FKTN: variants seen among roughly 807,000 people sequenced by gnomAD.
FKTN encodes fukutin.
Under a neutral mutation model 58.6 loss-of-function variants are expected in FKTN, and 47 were observed. The ratio of observed to expected loss-of-function variants is 0.80; its 90% confidence interval spans 0.63 to 1.02. FKTN has a LOEUF of 1.02. Among genes scored for constraint, FKTN ranks in the 50% least tolerant of loss-of-function variants. FKTN has a pLI of 0.00. For synonymous variants in FKTN, 178 were observed against 191.9 expected (o/e 0.93, Z 0.60); for missense variants, 516 against 537.3 (o/e 0.96, Z 0.39).
chr9:105,635,811 TTATGTGG>T lies in FKTN; in HGVS notation c.*548_*554del, dbSNP rs1450007349. ...TATCAGGTTCATTTTTCAACTAATC[TTATGTGG>T]AATTGAATTAGAGAACAAGGCATTA... is the stretch of plus-strand genomic sequence containing the variant. On this transcript the variant is annotated 3_prime_UTR_variant, in exon 11 of 11. Coordinates refer to ENST00000357998, the MANE Select transcript of FKTN (RefSeq NM_001079802.2). The T allele has an allele frequency of 2.3e-4, 226 of 1,000,802 alleles. No homozygotes were observed. In the African/African-American group the frequency reaches 3.7e-3, roughly 16 times the overall value. The allele number at this position is 1,000,802 out of a possible 1,614,324, so 62.0% of individuals were successfully genotyped here. A position where few individuals can be genotyped will look rare whatever the true frequency, so the allele number is the denominator to read the frequency against.
intron 10 of FKTN, 62 bp downstream of exon 10, chr9:105,620,123 A>G (rs2133213046): frequency 6.9e-7 from 1 of 1,439,988 alleles, no homozygotes; most frequent in South Asian, 1.2e-5. Context: ...GGAGGTAGAA[A>G]TAAAGAAGTA....
In FKTN at chr9:105,640,208, T is replaced by G; in HGVS notation, c.*4944T>G. On this transcript the variant is annotated 3_prime_UTR_variant, in exon 11 of 11. Transcript: ENST00000357998. ...AGACTAATTCAATGGCAATACCTTT[T>G]GTATAGGTCCTGTGCTTAAAGGAGG... is the stretch of plus-strand genomic sequence containing the variant. 1 of 1,520,028 alleles carries G rather than the reference T, an allele frequency of 6.6e-7. No individual in the cohort carries two copies. Among genetic ancestry groups the G allele is most frequent in the Non-Finnish European group, 8.8e-7 (1 of 1,137,472 alleles). 94.2% of individuals were successfully genotyped at this position (1,520,028 alleles called of 1,614,324 possible).
At chr9:105,610,095 TTC>T (rs1231056162) in intron 7 of FKTN, among the ~76,000 whole-genome samples, 40 of 152,270 alleles carry the variant, frequency 2.6e-4, no homozygotes, top group African/African-American at 9.6e-4. Context: ...TCATAATGCT[TTC>T]TGTGTCCTTT....
intron 3 of FKTN, among the ~76,000 whole-genome samples, chr9:105,581,459 G>A (rs1032363255): frequency 2.0e-5 from 3 of 150,492 alleles, no homozygotes; most frequent in African/African-American, 5.0e-5. Context: ...GCTGCGGGGT[G>A]CCTCCCAGTT....
intron 1 of FKTN, among the ~76,000 whole-genome samples, chr9:105,569,294 A>T (rs991143907): frequency 2.0e-5 from 3 of 152,284 alleles, no homozygotes; most frequent in African/African-American, 4.8e-5. Flanking sequence ...ATAATAATAA[A>T]AAAAATAAGT....
In FKTN at chr9:105,597,461, A is replaced by C. The variant is rs528434364; in HGVS notation, c.165+804A>C. On this transcript the variant is annotated intron_variant, in intron 4 of 10. Coordinates refer to ENST00000357998, the MANE Select transcript of FKTN (RefSeq NM_001079802.2). ...CTCTAGTCTATAAGTGTCAATGTAA[A>C]CTTTTAATTTATTAAAAATAGCAAT... is the stretch of plus-strand genomic sequence containing the variant. 4.6e-5 allele frequency among the ~76,000 whole-genome samples: 7 copies of C among 152,250 alleles called. No homozygotes were observed. The East Asian group carries it at 1.4e-3, about 29-fold the overall frequency.
rs746409077 is a variant in FKTN, at chr9:105,636,747, A to C, written c.*1483A>C. ...CTGGAGCTTGGCAGATTTTCCTCTGACACCAGAGAACAATAGTAGTCTCAA... is the reference window on the plus strand; with the variant it reads ...CTGGAGCTTGGCAGATTTTCCTCTGCCACCAGAGAACAATAGTAGTCTCAA... On this transcript the variant is annotated 3_prime_UTR_variant, in exon 11 of 11. Coordinates refer to ENST00000357998, the MANE Select transcript of FKTN (RefSeq NM_001079802.2). 1 of 1,294,472 alleles carries C rather than the reference A, an allele frequency of 7.7e-7. No individual in the cohort carries two copies. Among genetic ancestry groups the C allele is most frequent in the South Asian group, 1.3e-5 (1 of 79,446 alleles). The allele number at this position is 1,294,472 out of a possible 1,614,324, so 80.2% of individuals were successfully genotyped here. A position where few individuals can be genotyped will look rare whatever the true frequency, so the allele number is the denominator to read the frequency against.
chr9:105,560,901 G>A (rs1838174295), intron 1 of FKTN, among the ~76,000 whole-genome samples: 1 of 152,048 alleles, frequency 6.6e-6, no homozygotes, highest in South Asian at 2.1e-4. Context: ...ATCCTGGCCA[G>A]CCTGATGAAA....
rs574591060 is a variant in FKTN at position 105,581,097 on chromosome 9, T to C, written c.105+5960T>C. Among the ~76,000 whole-genome samples the C allele has an allele frequency of 4.1e-4, 62 of 150,190 alleles. No individual in the cohort carries two copies. In the South Asian group the frequency reaches 0.013, roughly 31 times the overall value. On this transcript the variant is annotated intron_variant, in intron 3 of 10. Transcript: ENST00000357998. ...ATTTTTTTCAAAGTTTTTAACTTCT[T>C]TGCCTTTGGTTTGAATGTCCTCCCG... is the stretch of plus-strand genomic sequence containing the variant.
chr9:105,594,714 C>G (rs1826431634), intron 3 of FKTN, among the ~76,000 whole-genome samples: 1 of 152,152 alleles, frequency 6.6e-6, no homozygotes, highest in Non-Finnish European at 1.5e-5. Flanking sequence ...CCACTGCACT[C>G]CAGCCTGGGC....
chr9:105,615,550 A>T, intron 8 of FKTN, 143 bp downstream of exon 8: 1 of 778,384 alleles, frequency 1.3e-6, no homozygotes, highest in Non-Finnish European at 2.2e-6. Flanking sequence ...TGCAGCAAGG[A>T]TCTATTGATT....
At chr9:105,592,853 C>T (rs944312207) in intron 3 of FKTN, among the ~76,000 whole-genome samples, 1 of 152,176 alleles carries the variant, frequency 6.6e-6, no homozygotes, top group African/African-American at 2.4e-5. Context: ...CTATAAGCAT[C>T]TTGATCACAA....
chr9:105,601,657 A>G (rs947275196), intron 5 of FKTN, among the ~76,000 whole-genome samples: 3 of 152,176 alleles, frequency 2.0e-5, no homozygotes, highest in African/African-American at 4.8e-5. Context: ...TAGCTGTCGT[A>G]GCTCCACATA....
chr9:105,620,073 A>AT lies in FKTN; in HGVS notation c.1172+13dup, dbSNP rs1248168354. The AT allele has an allele frequency of 6.2e-7, 1 of 1,602,704 alleles. No homozygotes were observed. The highest frequency in any genetic ancestry group is 8.5e-7 in the Non-Finnish European group (1 of 1,170,242). Reference sequence around the variant, plus strand: ...GGAAAAAAATTCAAGTATGAATCAAATAAGTACTTATTTATAAAGGTACTA... The same window carrying AT: ...GGAAAAAAATTCAAGTATGAATCAAATTAAGTACTTATTTATAAAGGTACTA... On this transcript the variant is annotated intron_variant, in intron 10 of 10. Transcript: ENST00000357998.
At position 105,576,413 on chromosome 9, in the gene FKTN, C is replaced by T. The variant is rs533246079; in HGVS notation, c.105+1276C>T. 7.8e-3 allele frequency among the ~76,000 whole-genome samples: 1,177 copies of T among 151,744 alleles called. 18 individuals carry two copies. Among genetic ancestry groups the T allele is most frequent in the African/African-American group, 0.027 (1,096 of 41,226 alleles). Reference sequence around the variant, plus strand: ...TTTCCCACCTATGAGTGAGAATATGCGGTGTTTGGTTTTTTGTTCTTACGA... The same window carrying T: ...TTTCCCACCTATGAGTGAGAATATGTGGTGTTTGGTTTTTTGTTCTTACGA... On this transcript the variant is annotated intron_variant, in intron 3 of 10. Transcript: ENST00000357998.
chr9:105,609,641 A>C lies in FKTN; in HGVS notation c.780+1690A>C, dbSNP rs1162551880. ...ATTACTTTCATGACTAATACTTTGG[A>C]AGATTACAAGCCAGATGTTTTGTGC... On this transcript the variant is annotated intron_variant, in intron 7 of 10. Transcript: ENST00000357998. Among the ~76,000 whole-genome samples, 4 of 152,262 alleles carry C rather than the reference A, an allele frequency of 2.6e-5. No individual in the cohort carries two copies. In the East Asian group the frequency reaches 7.7e-4, roughly 29 times the overall value.
intron 4 of FKTN, among the ~76,000 whole-genome samples, chr9:105,597,847 C>T (rs1827088270): frequency 6.6e-6 from 1 of 152,070 alleles, no homozygotes; most frequent in Non-Finnish European, 1.5e-5. Context: ...TTCATCTGTA[C>T]ACTGTAAAGC....
chr9:105,620,357 T>C (rs1289990886), intron 10 of FKTN, among the ~76,000 whole-genome samples: 6 of 152,204 alleles, frequency 3.9e-5, no homozygotes, highest in Non-Finnish European at 4.4e-5. Flanking sequence ...GCATGGGTTT[T>C]AGAGTCAGGC....
rs1175827862 is a variant in FKTN at position 105,640,631 on chromosome 9, C to G, written c.*5367C>G. The stretch of plus-strand genomic sequence containing the variant: ...TCTACCCTAGAATACCCCCTGGCAC[C>G]TTCTAACCCAACCTAATACAGAGAT... On this transcript the variant is annotated 3_prime_UTR_variant, in exon 11 of 11. Transcript: ENST00000357998. 1 of 152,178 alleles carries G rather than the reference C, an allele frequency of 6.6e-6. No homozygotes were observed. The highest frequency in any genetic ancestry group is 1.5e-5 in the Non-Finnish European group (1 of 68,164). 9.4% of individuals were successfully genotyped at this position (152,178 alleles called of 1,614,324 possible). A position where few individuals can be genotyped will look rare whatever the true frequency, so the allele number is the denominator to read the frequency against.
Sources: allele counts gnomAD v4.1 joint callset (sites outside exome capture counted in the v4.1 genomes callset), GRCh38; gene constraint gnomAD v4.1.1; transcripts MANE v1.5; gene names NCBI Gene and HGNC (gene_info 2026-07-23, HGNC 2026-07-21).